FSHR: variants seen among roughly 807,000 people sequenced by gnomAD.
FSHR encodes follicle-stimulating hormone receptor.
Under a neutral mutation model 52.1 loss-of-function variants are expected in FSHR, and 46 were observed. That is an observed-to-expected ratio of 0.88 (90% CI 0.70 to 1.13). FSHR has a LOEUF of 1.13. FSHR is among the 50% of genes most tolerant of loss of function. The pLI, the probability that FSHR is intolerant of heterozygous loss-of-function variation, is 0.00. For synonymous variants in FSHR, 399 were observed against 309.6 expected (o/e 1.29, Z -3.03); for missense variants, 964 against 834.6 (o/e 1.16, Z -1.91).
At chr2:49,142,010 G>A (rs1044692255) in intron 1 of FSHR, among the ~76,000 whole-genome samples, 3 of 152,194 alleles carry the variant, frequency 2.0e-5, no homozygotes, top group Non-Finnish European at 4.4e-5. Flanking sequence ...TGCTATAGGT[G>A]GCATGCAGCA....
intron 1 of FSHR, among the ~76,000 whole-genome samples, chr2:49,112,106 C>T (rs565044804): frequency 3.8e-4 from 58 of 152,212 alleles, no homozygotes; most frequent in African/African-American, 1.3e-3. Context: ...ATTAATGCTT[C>T]GGTTATGTAT....
intron 4 of FSHR, among the ~76,000 whole-genome samples, chr2:49,000,318 A>C (rs1200693343): frequency 2.6e-5 from 4 of 152,218 alleles, no homozygotes; most frequent in African/African-American, 9.6e-5. Flanking sequence ...GAATCACGGC[A>C]AACTAAGTCA....
At chr2:48,967,836 T>C (rs1025027080) in intron 9 of FSHR, among the ~76,000 whole-genome samples, 2 of 152,152 alleles carry the variant, frequency 1.3e-5, no homozygotes, top group African/African-American at 4.8e-5. Context: ...AGAAATAATA[T>C]CATAGGAAAG....
intron 1 of FSHR, among the ~76,000 whole-genome samples, chr2:49,099,832 C>A (rs13411248): frequency 3.7e-4 from 56 of 152,204 alleles, no homozygotes; most frequent in Middle Eastern, 3.4e-3. Flanking sequence ...TATGCTAACC[C>A]TAAGTTTAGC....
At chr2:49,114,516 G>A (rs1671532123) in intron 1 of FSHR, among the ~76,000 whole-genome samples, 2 of 152,286 alleles carry the variant, frequency 1.3e-5, no homozygotes, top group Non-Finnish European at 2.9e-5. Context: ...CAGACTGGCT[G>A]TAATACTAAA....
chr2:49,051,837 C>A (rs988642329), intron 2 of FSHR, among the ~76,000 whole-genome samples: 2 of 151,980 alleles, frequency 1.3e-5, no homozygotes, highest in Non-Finnish European at 2.9e-5. Context: ...GCGTTTAAGT[C>A]AATTATCCAC....
intron 5 of FSHR, among the ~76,000 whole-genome samples, chr2:48,989,273 CTTTTTTTTTTTTT>C (rs70946840): frequency 1.7e-5 from 2 of 120,824 alleles, no homozygotes; most frequent in African/African-American, 3.6e-5. Flanking sequence ...CATTCAGTGT[CTTTTTTTTTTTTT>C]TTTTTTTTTT....
chr2:49,093,942 G>T (rs1276588116), intron 1 of FSHR, among the ~76,000 whole-genome samples: 1 of 152,066 alleles, frequency 6.6e-6, no homozygotes, highest in African/African-American at 2.4e-5. Context: ...ATTTTACATA[G>T]CACATAGTTG....
At chr2:49,126,197 C>T (rs1432742741) in intron 1 of FSHR, among the ~76,000 whole-genome samples, 2 of 152,098 alleles carry the variant, frequency 1.3e-5, no homozygotes, top group Non-Finnish European at 2.9e-5. Flanking sequence ...TTATTTGTTA[C>T]AGTTTTGGAA....
intron 1 of FSHR, among the ~76,000 whole-genome samples, chr2:49,096,482 G>T (rs926074386): frequency 6.6e-6 from 1 of 152,194 alleles, no homozygotes; most frequent in South Asian, 2.1e-4. Flanking sequence ...GATTGCCAAC[G>T]ATATGGGGTT....
At chr2:48,994,356 C>G (rs369106240) in intron 4 of FSHR, among the ~76,000 whole-genome samples, 15 of 152,148 alleles carry the variant, frequency 9.9e-5, no homozygotes, top group African/African-American at 3.6e-4. Flanking sequence ...TCCATAGCCA[C>G]TGTACTTATG....
chr2:49,116,033 C>T (rs4971642), intron 1 of FSHR, among the ~76,000 whole-genome samples: 31,503 of 151,812 alleles, frequency 0.21, 3,482 homozygotes, highest in African/African-American at 0.31. Flanking sequence ...GAGAAGAGAG[C>T]GAGGAGACTA....
intron 1 of FSHR, among the ~76,000 whole-genome samples, chr2:49,119,102 A>T (rs1246271006): frequency 2.0e-5 from 3 of 152,176 alleles, no homozygotes; most frequent in Non-Finnish European, 4.4e-5. Context: ...GTAGGATAAG[A>T]CTACTTATGG....
At chr2:49,131,239 AGAC>A (rs1463115016) in intron 1 of FSHR, among the ~76,000 whole-genome samples, 3 of 152,160 alleles carry the variant, frequency 2.0e-5, no homozygotes, top group Non-Finnish European at 2.9e-5. Flanking sequence ...GACGAGTTGA[AGAC>A]CAACAAACAA....
chr2:49,095,056 C>A (rs1394025598), intron 1 of FSHR, among the ~76,000 whole-genome samples: 1 of 151,830 alleles, frequency 6.6e-6, no homozygotes, highest in Non-Finnish European at 1.5e-5. Context: ...GGACAAATTC[C>A]CAGAAAGAAT....
At chr2:49,026,744 A>G (rs1215922532) in intron 2 of FSHR, among the ~76,000 whole-genome samples, 1 of 152,102 alleles carries the variant, frequency 6.6e-6, no homozygotes, top group Non-Finnish European at 1.5e-5. Flanking sequence ...GTGGGGCTTC[A>G]ATACATTTTA....
chr2:49,095,610 A>G (rs1253980982), intron 1 of FSHR, among the ~76,000 whole-genome samples: 1 of 152,220 alleles, frequency 6.6e-6, no homozygotes, highest in Non-Finnish European at 1.5e-5. Context: ...AACAAAAGAA[A>G]AAGTAGATAC....
intron 1 of FSHR, among the ~76,000 whole-genome samples, chr2:49,070,312 T>C (rs1669681539): frequency 6.6e-6 from 1 of 152,200 alleles, no homozygotes; most frequent in Non-Finnish European, 1.5e-5. Flanking sequence ...TTAAGCCATT[T>C]AAATAAAAGG....
chr2:48,994,617 T>C (rs1675938231), intron 4 of FSHR, among the ~76,000 whole-genome samples: 2 of 73,884 alleles, frequency 2.7e-5, no homozygotes, highest in African/African-American at 6.9e-5. Context: ...TCCCCTCTGA[T>C]CAATAAATTC....
Sources: allele counts gnomAD v4.1 joint callset (sites outside exome capture counted in the v4.1 genomes callset), GRCh38; gene constraint gnomAD v4.1.1; transcripts MANE v1.5; gene names NCBI Gene and HGNC (gene_info 2026-07-23, HGNC 2026-07-21).